SGCD: variants seen among roughly 807,000 people sequenced by gnomAD.
The protein encoded by SGCD is delta-sarcoglycan.
In SGCD, 18 loss-of-function variants were observed where a neutral mutation model predicts 36.6. That is an observed-to-expected ratio of 0.49 (90% CI 0.34 to 0.73). The LOEUF (loss-of-function observed/expected upper bound fraction) is 0.73, where lower values mean the gene tolerates loss of function less well. SGCD is among the 30% of genes least tolerant of loss of function. The pLI is 0.01. For synonymous variants in SGCD, 133 were observed against 130.6 expected, an observed-to-expected ratio of 1.02 and a Z score of -0.12; for missense variants, 387 against 346.7, an observed-to-expected ratio of 1.12 and a Z score of -0.92.
chr5:156,433,758 T>C (rs1321402586), intron 3 of SGCD, among the ~76,000 whole-genome samples: 1 of 152,156 alleles, frequency 6.6e-6, no homozygotes, highest in Non-Finnish European at 1.5e-5. Flanking sequence ...AGCTTGATAA[T>C]AGGGTAAACA....
chr5:156,078,510 CAAAA>C (rs60477201), intron 1 of SGCD, among the ~76,000 whole-genome samples: 7 of 100,722 alleles, frequency 6.9e-5, no homozygotes, highest in African/African-American at 3.1e-4. Context: ...AAGACTGTCT[CAAAA>C]AAAAAAATAT....
chr5:156,121,920 G>A (rs1394556667), intron 2 of SGCD, among the ~76,000 whole-genome samples: 1 of 152,136 alleles, frequency 6.6e-6, no homozygotes, highest in Non-Finnish European at 1.5e-5. Flanking sequence ...CCTGTAAGCA[G>A]AGTCATCCCA....
intron 3 of SGCD, among the ~76,000 whole-genome samples, chr5:156,469,926 T>G (rs1292571481): frequency 6.6e-6 from 1 of 152,214 alleles, no homozygotes; most frequent in Non-Finnish European, 1.5e-5. Flanking sequence ...AGGCCTCTCA[T>G]GCTGCTAGTT....
At chr5:156,271,496 A>G (rs1371033689) in intron 3 of SGCD, among the ~76,000 whole-genome samples, 1 of 152,238 alleles carries the variant, frequency 6.6e-6, no homozygotes, top group Non-Finnish European at 1.5e-5. Flanking sequence ...GAAATTATAT[A>G]TAAATATTTA....
the SGCD span, among the ~76,000 whole-genome samples, chr5:155,797,549 A>C: frequency 6.6e-6 from 1 of 152,236 alleles, no homozygotes; most frequent in Non-Finnish European, 1.5e-5. Flanking sequence ...AGTGGACAGA[A>C]GTACAGAGTT....
chr5:156,512,721 C>T (rs78534958), intron 4 of SGCD, among the ~76,000 whole-genome samples: 35 of 152,222 alleles, frequency 2.3e-4, no homozygotes, highest in Middle Eastern at 3.4e-3. Context: ...CGAATGTATC[C>T]GTCACCCCTG....
intron 1 of SGCD, among the ~76,000 whole-genome samples, chr5:155,872,289 A>C (rs1755670030): frequency 6.6e-6 from 1 of 151,844 alleles, no homozygotes. Flanking sequence ...TAATATGTGA[A>C]ATCAATGTGA....
chr5:156,642,402 C>G (rs925881323), intron 6 of SGCD, among the ~76,000 whole-genome samples: 2 of 151,164 alleles, frequency 1.3e-5, no homozygotes, highest in African/African-American at 4.9e-5. Flanking sequence ...GCCAAACTTT[C>G]TCTCTAGTCT....
chr5:156,598,526 A>G (rs187135078), intron 6 of SGCD, among the ~76,000 whole-genome samples: 1 of 152,336 alleles, frequency 6.6e-6, no homozygotes, highest in East Asian at 1.9e-4. Flanking sequence ...TGGGCAATAT[A>G]GTGAGACTCT....
At chr5:156,541,701 G>A (rs1758354327) in intron 4 of SGCD, among the ~76,000 whole-genome samples, 1 of 152,112 alleles carries the variant, frequency 6.6e-6, no homozygotes, top group Non-Finnish European at 1.5e-5. Flanking sequence ...AGTGTGTCAG[G>A]AATTGTGCTA....
chr5:155,862,125 GAAC>G, the SGCD span, among the ~76,000 whole-genome samples: 1 of 152,182 alleles, frequency 6.6e-6, no homozygotes, highest in African/African-American at 2.4e-5. Flanking sequence ...ATCTTGCTGA[GAAC>G]AACTGTGTAT....
At chr5:156,484,586 T>C (rs528016251) in intron 3 of SGCD, among the ~76,000 whole-genome samples, 1 of 152,372 alleles carries the variant, frequency 6.6e-6, no homozygotes, top group East Asian at 1.9e-4. Context: ...AACTGTACAT[T>C]TTTTCAAGCT....
chr5:155,955,779 A>C (rs1757637865), intron 1 of SGCD, among the ~76,000 whole-genome samples: 1 of 152,138 alleles, frequency 6.6e-6, no homozygotes, highest in Non-Finnish European at 1.5e-5. Flanking sequence ...GATTATGAAC[A>C]GAAAAACAAA....
At chr5:156,233,905 G>T (rs1765087164) in intron 3 of SGCD, among the ~76,000 whole-genome samples, 1 of 151,940 alleles carries the variant, frequency 6.6e-6, no homozygotes, top group Non-Finnish European at 1.5e-5. Flanking sequence ...GTTTGTTTTT[G>T]TTTTGTTTTT....
At chr5:156,640,702 T>A (rs1374596022) in intron 6 of SGCD, among the ~76,000 whole-genome samples, 2 of 152,230 alleles carry the variant, frequency 1.3e-5, no homozygotes, top group Admixed American at 1.3e-4. Flanking sequence ...AAATCATGTC[T>A]GACGTAGGCT....
At chr5:156,342,620 C>T (rs1375615184) in intron 2 of SGCD, among the ~76,000 whole-genome samples, 2 of 152,118 alleles carry the variant, frequency 1.3e-5, no homozygotes, top group Admixed American at 1.3e-4. Flanking sequence ...GTTGTGTTCC[C>T]GTCTTCTTAT....
intron 7 of SGCD, among the ~76,000 whole-genome samples, chr5:156,650,938 A>G (rs1763435701): frequency 6.6e-6 from 1 of 152,170 alleles, no homozygotes. Flanking sequence ...CATTCCCACC[A>G]GCGGTGTATA....
chr5:156,342,804 A>G (rs187728945), intron 2 of SGCD, among the ~76,000 whole-genome samples: 3 of 152,348 alleles, frequency 2.0e-5, no homozygotes, highest in African/African-American at 4.8e-5. Context: ...AAACCTTTAC[A>G]TACCCCCAGA....
upstream of SGCD, among the ~76,000 whole-genome samples, chr5:155,865,804 A>T (rs929425947): frequency 4.3e-4 from 65 of 152,330 alleles, no homozygotes; most frequent in African/African-American, 1.5e-3. Context: ...AGTTGCTCAC[A>T]TTGGCAGATG....
Sources: allele counts gnomAD v4.1 joint callset (sites outside exome capture counted in the v4.1 genomes callset), GRCh38; gene constraint gnomAD v4.1.1; transcripts MANE v1.5; gene names NCBI Gene and HGNC (gene_info 2026-07-23, HGNC 2026-07-21).